DIXDC1: variants seen among roughly 807,000 people sequenced by gnomAD.
DIXDC1 encodes the protein DIX domain containing 1.
In DIXDC1, 64 loss-of-function variants were observed where a neutral mutation model predicts 103.1. The observed-to-expected ratio is 0.62, with a 90% CI of 0.51 to 0.76. DIXDC1 has a LOEUF of 0.76. DIXDC1 is among the 30% of genes least tolerant of loss of function. The pLI, the probability that DIXDC1 is intolerant of heterozygous loss-of-function variation, is 0.00. For synonymous variants in DIXDC1, 266 were observed against 298.5 expected (o/e 0.89, Z 1.12); for missense variants, 759 against 834.2 (o/e 0.91, Z 1.11).
intron 17 of DIXDC1, among the ~76,000 whole-genome samples, chr11:112,002,198 A>T (rs1195310854): frequency 1.3e-5 from 2 of 151,964 alleles, no homozygotes; most frequent in Non-Finnish European, 2.9e-5. Flanking sequence ...TGACAGTGAG[A>T]TATCATCTTA....
intron 10 of DIXDC1, among the ~76,000 whole-genome samples, chr11:111,991,054 CTAGAAG>C (rs1555174493): frequency 6.6e-6 from 1 of 152,154 alleles, no homozygotes; most frequent in Non-Finnish European, 1.5e-5. Context: ...GCAATAATAC[CTAGAAG>C]TAGAAGAGGA....
intron 1 of DIXDC1, among the ~76,000 whole-genome samples, chr11:111,941,837 T>TACACACACACAC (rs10635444): frequency 1.9e-4 from 26 of 139,286 alleles, no homozygotes; most frequent in Admixed American, 5.1e-4. Context: ...CGAAACAAAA[T>TACACACACACAC]ACACACACAC....
chr11:111,954,817 A>G (rs1366733213), intron 1 of DIXDC1, among the ~76,000 whole-genome samples: 2 of 152,170 alleles, frequency 1.3e-5, no homozygotes, highest in East Asian at 3.9e-4. Flanking sequence ...ACAAATAAGG[A>G]AAAGTGAAAG....
chr11:111,934,588 A>G (rs1592532778), upstream of DIXDC1, among the ~76,000 whole-genome samples: 2 of 152,154 alleles, frequency 1.3e-5, no homozygotes, highest in African/African-American at 4.8e-5. Flanking sequence ...GCTAGCCCTC[A>G]TACTCTCCCA....
chr11:111,999,337 A>C lies in DIXDC1; in HGVS notation c.1756+3191A>C, dbSNP rs782600472. Among the ~76,000 whole-genome samples the C allele has an allele frequency of 6.6e-5, 10 of 152,326 alleles. No individual in the cohort carries two copies. The South Asian group carries it at 1.2e-3, about 19-fold the overall frequency. Reference sequence around the variant, plus strand: ...GAGAGTTCAGATAAAAACCCATATAACCAGAGAATGTTCTTTTCAACCAAT... The same window carrying C: ...GAGAGTTCAGATAAAAACCCATATACCCAGAGAATGTTCTTTTCAACCAAT... On this transcript the variant is annotated intron_variant, in intron 17 of 19. Transcript: ENST00000440460.
chr11:111,934,535 A>G (rs1966135049), upstream of DIXDC1, among the ~76,000 whole-genome samples: 1 of 152,182 alleles, frequency 6.6e-6, no homozygotes, highest in South Asian at 2.1e-4. Context: ...TACAAACACT[A>G]TGGGATGCCT....
intron 17 of DIXDC1, among the ~76,000 whole-genome samples, chr11:112,000,835 G>A (rs1439261705): frequency 6.6e-6 from 1 of 152,152 alleles, no homozygotes. Flanking sequence ...ATAAGTATTG[G>A]TGAGAATGTG....
At chr11:111,997,221 A>G (rs1292791728) in intron 17 of DIXDC1, among the ~76,000 whole-genome samples, 1 of 152,234 alleles carries the variant, frequency 6.6e-6, no homozygotes, top group Non-Finnish European at 1.5e-5. Flanking sequence ...ATACTTGCAA[A>G]AATATGAAAT....
chr11:112,000,042 C>T (rs1555175821), intron 17 of DIXDC1, among the ~76,000 whole-genome samples: 1 of 151,686 alleles, frequency 6.6e-6, no homozygotes, highest in African/African-American at 2.4e-5. Flanking sequence ...GGCTGAGGCA[C>T]AAGAATCACT....
chr11:112,014,305 A>T (rs1264655404), intron 17 of DIXDC1, among the ~76,000 whole-genome samples: 2 of 152,056 alleles, frequency 1.3e-5, no homozygotes, highest in Non-Finnish European at 2.9e-5. Flanking sequence ...AACATCTTGA[A>T]CTCTTACCCT....
In DIXDC1 at chr11:111,937,398, C is replaced by T; in HGVS notation, c.-102C>T. On this transcript the variant is annotated 5_prime_UTR_variant, in exon 1 of 20. Transcript: ENST00000440460. ...TGGCATGCGGGACTCCGGAGGGATC[C>T]CAATGAGCTGAGCCGAGAGCCTTTG... is the stretch of plus-strand genomic sequence containing the variant. 1 of 1,501,140 alleles carries T rather than the reference C, an allele frequency of 6.7e-7. No individual in the cohort carries two copies. The highest frequency in any genetic ancestry group is 8.9e-7 in the Non-Finnish European group (1 of 1,125,584). The allele number at this position is 1,501,140 out of a possible 1,614,324, so 93.0% of individuals were successfully genotyped here.
intron 5 of DIXDC1, chr11:111,975,298 G>A: frequency 3.4e-6 from 4 of 1,166,158 alleles, no homozygotes; most frequent in South Asian, 2.1e-5. Flanking sequence ...TGCATATGAG[G>A]TGCCAGTGTT....
At position 112,020,081 on chromosome 11, in the gene DIXDC1, A is replaced by G. The variant is rs1447997579; in HGVS notation, c.*1045A>G. On this transcript the variant is annotated 3_prime_UTR_variant, in exon 20 of 20. Transcript: ENST00000440460. Reference sequence around the variant, plus strand: ...GATCTTTTAGGGCACAATAGAAACCATGGGGCGTGGAGCATGAGTTGTGAA... The same window carrying G: ...GATCTTTTAGGGCACAATAGAAACCGTGGGGCGTGGAGCATGAGTTGTGAA... The G allele has an allele frequency of 1.3e-5, 2 of 152,220 alleles. No individual in the cohort carries two copies. Among genetic ancestry groups the G allele is most frequent in the African/African-American group, 4.8e-5 (2 of 41,450 alleles). The allele number at this position is 152,220 out of a possible 1,614,324, so 9.4% of individuals were successfully genotyped here. A position where few individuals can be genotyped will look rare whatever the true frequency, so the allele number is the denominator to read the frequency against.
intron 17 of DIXDC1, among the ~76,000 whole-genome samples, chr11:112,001,923 A>C (rs1378487769): frequency 2.0e-5 from 3 of 151,886 alleles, no homozygotes; most frequent in Non-Finnish European, 4.4e-5. Flanking sequence ...CACCTGGCTA[A>C]TTTTTGTATT....
At chr11:111,994,579 G>A (rs1860821851) in intron 14 of DIXDC1, among the ~76,000 whole-genome samples, 1 of 150,950 alleles carries the variant, frequency 6.6e-6, no homozygotes, top group Admixed American at 6.6e-5. Flanking sequence ...ATGTATGTAT[G>A]TGTATATTAT....
At chr11:111,974,403 C>G in intron 4 of DIXDC1, 149 bp downstream of exon 4, 2 of 709,694 alleles carry the variant, frequency 2.8e-6, no homozygotes, top group Non-Finnish European at 4.5e-6. Flanking sequence ...AGGGCACTCT[C>G]AAAAGAGAAA....
rs374484348 is a variant in DIXDC1 at position 111,993,059 on chromosome 11, C to T, written c.1272+55C>T. 4.5e-4 allele frequency: 690 copies of T among 1,523,766 alleles called. 1 individual carries two copies. Among genetic ancestry groups the T allele is most frequent in the African/African-American group, 3.3e-3 (236 of 72,556 alleles). 94.4% of individuals were successfully genotyped at this position (1,523,766 alleles called of 1,614,324 possible). A position where few individuals can be genotyped will look rare whatever the true frequency, so the allele number is the denominator to read the frequency against. On this transcript the variant is annotated intron_variant, in intron 12 of 19. Coordinates refer to ENST00000440460, the MANE Select transcript of DIXDC1 (RefSeq NM_001037954.4). ...TTCCACTGACTTTTCATGAACAGCC[C>T]GTTATTGTTGCTCAAAAAGCACTTA...
chr11:111,974,472 T>G (rs1860033913), intron 4 of DIXDC1: 2 of 570,346 alleles, frequency 3.5e-6, no homozygotes, highest in Non-Finnish European at 6.0e-6. Context: ...AAAGGAATCT[T>G]ATGTGTAAGT....
Position 111,974,980 on chromosome 11 carries a change from C to A in DIXDC1, c.653C>A (p.Ser218Tyr). 6.2e-7 allele frequency: 1 copy of A among 1,610,444 alleles called. No homozygotes were observed. The highest frequency in any genetic ancestry group is 1.1e-5 in the South Asian group (1 of 90,200). The change falls in exon 5 of 20, where the codon TCC (serine) becomes TAC (tyrosine). Residue 218 changes from serine (S) to tyrosine (Y), a missense_variant. By Grantham distance (144) the Ser-to-Tyr change is moderately radical. Transcript: ENST00000440460. The part of the protein sequence containing the change: ...QQRSPSESSC[S>Y]SLTSPSPIHS... ...AGGTCCCCGTCTGAATCCAGCTGCTCCAGGTAACTGTGGCCTCTGAAACCT... is the reference window on the plus strand; with the variant it reads ...AGGTCCCCGTCTGAATCCAGCTGCTACAGGTAACTGTGGCCTCTGAAACCT...
Sources: allele counts gnomAD v4.1 joint callset (sites outside exome capture counted in the v4.1 genomes callset), GRCh38; gene constraint gnomAD v4.1.1; transcripts MANE v1.5; gene names NCBI Gene and HGNC (gene_info 2026-07-23, HGNC 2026-07-21).